Variants in AGBL1 observed in about 807,000 individuals in gnomAD.
The protein encoded by AGBL1 is AGBL carboxypeptidase 1, also known as cytosolic carboxypeptidase 4.
Under a neutral mutation model 118.9 loss-of-function variants are expected in AGBL1, and 130 were observed. The observed-to-expected ratio is 1.09, with a 90% CI of 0.95 to 1.26. The LOEUF (loss-of-function observed/expected upper bound fraction) is 1.26. Ranked by LOEUF, AGBL1 falls within the 50% of genes most tolerant of loss-of-function variation. AGBL1 has a pLI of 0.00. For missense variants in AGBL1, 1,584 were observed against 1,298.1 expected, an observed-to-expected ratio of 1.22 and a Z score of -3.38; for synonymous variants, 555 against 478.9, an observed-to-expected ratio of 1.16 and a Z score of -2.08.
chr15:86,456,863 A>G lies in AGBL1; in HGVS notation c.2555+59317A>G, dbSNP rs535026194. The stretch of plus-strand genomic sequence containing the variant: ...AATGCTTTCTTGTTCAGACTTTATA[A>G]CCTTTGCTATTGTATTAACTAGGTT... On this transcript the variant is annotated intron_variant, in intron 18 of 22. Coordinates refer to ENST00000614907, the MANE Select transcript of AGBL1 (RefSeq NM_001386094.1). Among the ~76,000 whole-genome samples the G allele has an allele frequency of 4.3e-4, 65 of 152,278 alleles. 1 individual carries two copies. In the South Asian group the frequency reaches 0.012, roughly 29 times the overall value.
intron 21 of AGBL1, among the ~76,000 whole-genome samples, chr15:86,596,924 AG>A: frequency 6.6e-6 from 1 of 152,290 alleles, no homozygotes; most frequent in South Asian, 2.1e-4. Flanking sequence ...CTTCAAGAGC[AG>A]GGATATTTAT....
intron 18 of AGBL1, among the ~76,000 whole-genome samples, chr15:86,483,457 G>C (rs959380033): frequency 6.6e-6 from 1 of 152,106 alleles, no homozygotes. Flanking sequence ...GTTAGCGAGG[G>C]AGGAGGTATA....
At chr15:86,099,880 G>A (rs1249006027) in intron 1 of AGBL1, among the ~76,000 whole-genome samples, 3 of 152,038 alleles carry the variant, frequency 2.0e-5, no homozygotes. Flanking sequence ...TTGAATAAGG[G>A]TGGCAAAAAT....
At chr15:86,266,938 T>C in intron 12 of AGBL1, 52 bp from the exon 13 acceptor site, 1 of 1,329,962 alleles carries the variant, frequency 7.5e-7, no homozygotes, top group Admixed American at 2.0e-5. Context: ...TCACACTGTT[T>C]TCAAAGAGTA....
chr15:86,717,723 T>A (rs563716157), intron 22 of AGBL1, among the ~76,000 whole-genome samples: 3 of 152,050 alleles, frequency 2.0e-5, no homozygotes, highest in Non-Finnish European at 4.4e-5. Context: ...CATTGATACC[T>A]CCCAGAAAAA....
chr15:87,013,611 G>A (rs746562648), intron 24 of AGBL1, among the ~76,000 whole-genome samples: 3 of 152,028 alleles, frequency 2.0e-5, no homozygotes, highest in African/African-American at 4.8e-5. Flanking sequence ...GACCCATGCA[G>A]GTGATCTTGT....
At chr15:86,965,879 G>A (rs971350866) in intron 23 of AGBL1, among the ~76,000 whole-genome samples, 1 of 152,128 alleles carries the variant, frequency 6.6e-6, no homozygotes, top group African/African-American at 2.4e-5. Context: ...GGGAGGGATA[G>A]CATTAGGAGA....
chr15:86,823,080 G>T (rs867548108), intron 22 of AGBL1, among the ~76,000 whole-genome samples: 1 of 152,028 alleles, frequency 6.6e-6, no homozygotes, highest in Non-Finnish European at 1.5e-5. Flanking sequence ...AAAATGATAG[G>T]CTCAGGTCAA....
At chr15:86,536,322 G>GT (rs906637894) in intron 19 of AGBL1, among the ~76,000 whole-genome samples, 9 of 151,972 alleles carry the variant, frequency 5.9e-5, no homozygotes, top group Non-Finnish European at 2.9e-5. Context: ...TTTTTTGTTT[G>GT]TTTTTTTGAG....
At chr15:86,630,158 A>G (rs902147818) in intron 21 of AGBL1, 1 of 152,266 alleles carries the variant, frequency 6.6e-6, no homozygotes, top group Non-Finnish European at 1.5e-5. Flanking sequence ...ATGTCTGTCC[A>G]ACTTCCTTTG....
chr15:86,778,011 G>T (rs1225357121), intron 22 of AGBL1, among the ~76,000 whole-genome samples: 1 of 152,110 alleles, frequency 6.6e-6, no homozygotes, highest in Non-Finnish European at 1.5e-5. Flanking sequence ...TTCCCTAAGG[G>T]TCAGCCGGTC....
chr15:86,308,113 C>T (rs560594975), intron 17 of AGBL1, among the ~76,000 whole-genome samples: 12 of 152,176 alleles, frequency 7.9e-5, no homozygotes, highest in African/African-American at 2.9e-4. Flanking sequence ...TCTTATTAAA[C>T]ATATTTTAAA....
intron 18 of AGBL1, among the ~76,000 whole-genome samples, chr15:86,488,728 A>G (rs1024182281): frequency 1.3e-5 from 2 of 151,902 alleles, no homozygotes; most frequent in African/African-American, 2.4e-5. Flanking sequence ...AACAGCTCCT[A>G]CAACTCATCG....
intron 6 of AGBL1, among the ~76,000 whole-genome samples, chr15:86,239,794 A>G (rs1597607603): frequency 6.6e-6 from 1 of 152,310 alleles, no homozygotes; most frequent in Non-Finnish European, 1.5e-5. Flanking sequence ...CCTTTCAGAA[A>G]TCTTCCTCAA....
chr15:86,196,062 A>AC (rs1351961642), intron 5 of AGBL1, among the ~76,000 whole-genome samples: 1 of 152,188 alleles, frequency 6.6e-6, no homozygotes, highest in Non-Finnish European at 1.5e-5. Context: ...TTTTTAGCAT[A>AC]CTAATATATG....
intron 22 of AGBL1, among the ~76,000 whole-genome samples, chr15:86,878,338 A>G (rs1189523671): frequency 6.6e-6 from 1 of 152,190 alleles, no homozygotes; most frequent in Non-Finnish European, 1.5e-5. Flanking sequence ...CAGACAATAC[A>G]ATGGGCATGG....
At chr15:86,964,747 CA>C (rs1331796579) in intron 23 of AGBL1, among the ~76,000 whole-genome samples, 1 of 151,472 alleles carries the variant, frequency 6.6e-6, no homozygotes, top group East Asian at 2.0e-4. Flanking sequence ...ATCAACCCAT[CA>C]TCTAGGTATT....
chr15:86,249,208 C>T (rs916780005), intron 7 of AGBL1, among the ~76,000 whole-genome samples: 12 of 152,144 alleles, frequency 7.9e-5, no homozygotes, highest in African/African-American at 2.9e-4. Context: ...AGCCATGTTG[C>T]ACACACATTA....
intron 5 of AGBL1, among the ~76,000 whole-genome samples, chr15:86,214,239 G>A (rs2078148354): frequency 2.0e-5 from 3 of 152,174 alleles, no homozygotes; most frequent in African/African-American, 7.2e-5. Flanking sequence ...GCTCTGTGCT[G>A]TGCATTGAGA....
Sources: gnomAD v4.1 joint callset for allele counts (sites outside exome capture counted in the v4.1 genomes callset) on GRCh38, gnomAD v4.1.1 for gene constraint, MANE v1.5 for transcripts, NCBI Gene and HGNC (gene_info 2026-07-23, HGNC 2026-07-21) for gene names.